Variants in UCHL3 observed in about 807,000 individuals in gnomAD.
The protein encoded by UCHL3 is ubiquitin C-terminal hydrolase L3, also known as ubiquitin carboxyl-terminal hydrolase isozyme L3.
UCHL3 carries 22 observed loss-of-function variants against 35.8 expected under a neutral mutation model. The observed-to-expected ratio is 0.61, with a 90% CI of 0.44 to 0.88. The LOEUF (loss-of-function observed/expected upper bound fraction) is 0.88. UCHL3 is among the 40% of genes least tolerant of loss of function. UCHL3 has a pLI of 0.00. For synonymous variants in UCHL3, 90 were observed against 92.8 expected, an observed-to-expected ratio of 0.97 and a Z score of 0.17; for missense variants, 229 against 276.9, an observed-to-expected ratio of 0.83 and a Z score of 1.23.
Position 75,605,019 on chromosome 13 carries a change from T to C in UCHL3, c.609+192T>C, listed in dbSNP as rs2032894640. ...AAATAAAGAGGTTTTCACAGCTCTATGAACAAATGTAAAAATTGAAAAGGC... is the reference window on the plus strand; with the variant it reads ...AAATAAAGAGGTTTTCACAGCTCTACGAACAAATGTAAAAATTGAAAAGGC... On this transcript the variant is annotated intron_variant, in intron 8 of 8. Coordinates refer to ENST00000377595, the MANE Select transcript of UCHL3 (RefSeq NM_006002.5). 4 of 422,734 alleles carry C rather than the reference T, an allele frequency of 9.5e-6. No homozygotes were observed. In the East Asian group the frequency reaches 1.5e-4, roughly 15 times the overall value. 26.2% of individuals were successfully genotyped at this position (422,734 alleles called of 1,614,324 possible).
intron 6 of UCHL3, among the ~76,000 whole-genome samples, chr13:75,575,392 T>G (rs890524176): frequency 1.3e-5 from 2 of 152,224 alleles, no homozygotes; most frequent in Non-Finnish European, 2.9e-5. Context: ...GAGGAAACAA[T>G]GAGGAAATTA....
intron 4 of UCHL3, 42 bp downstream of exon 4, chr13:75,566,893 A>G (rs770020121): frequency 1.3e-6 from 2 of 1,559,346 alleles, no homozygotes; most frequent in Non-Finnish European, 1.7e-6. Context: ...CCCTTAAGAT[A>G]CAAGTTAATT....
chr13:75,574,000 A>G (rs1053301177), intron 6 of UCHL3, among the ~76,000 whole-genome samples: 2 of 152,130 alleles, frequency 1.3e-5, no homozygotes, highest in Non-Finnish European at 2.9e-5. Flanking sequence ...GGCAGATCAC[A>G]AGGTCAGGAG....
At chr13:75,555,764 T>C (rs1444491718) in intron 2 of UCHL3, among the ~76,000 whole-genome samples, 1 of 152,064 alleles carries the variant, frequency 6.6e-6, no homozygotes, top group East Asian at 1.9e-4. Context: ...TTAAAAAAAT[T>C]TATTTCTTTT....
chr13:75,583,176 A>C (rs1055885187), intron 6 of UCHL3, among the ~76,000 whole-genome samples: 1 of 152,224 alleles, frequency 6.6e-6, no homozygotes, highest in African/African-American at 2.4e-5. Context: ...GTAAGGTAGT[A>C]GACAAAAGCT....
chr13:75,567,232 G>A lies in UCHL3; in HGVS notation c.346G>A (p.Gly116Arg). ...ATCTTCTTTCATATTCTCAGAATCT[G>A]GATCAACCTTGAAAAAATTCCTGGA... ...NNKDKMHFES[G>R]STLKKFLEES... Residue 116 changes from glycine to arginine, a missense_variant, in exon 5 of 9, where the codon GGA (glycine) becomes AGA (arginine). Gly to Arg is a moderately radical substitution (Grantham distance 125). Transcript: ENST00000377595. 2 of 1,613,768 alleles carry A rather than the reference G, an allele frequency of 1.2e-6. No homozygotes were observed. The highest frequency in any genetic ancestry group is 1.7e-6 in the Non-Finnish European group (2 of 1,179,844).
intron 6 of UCHL3, among the ~76,000 whole-genome samples, chr13:75,581,047 T>C (rs1300748007): frequency 6.6e-6 from 1 of 152,182 alleles, no homozygotes; most frequent in Non-Finnish European, 1.5e-5. Context: ...TCTTATTCAG[T>C]ACACTAGATT....
chr13:75,550,676 A>C (rs2031062435), intron 2 of UCHL3, among the ~76,000 whole-genome samples: 2 of 150,752 alleles, frequency 1.3e-5, no homozygotes, highest in East Asian at 3.9e-4. Flanking sequence ...AAGTGCTACC[A>C]GGTATAAACT....
chr13:75,567,585 C>A (rs73223968), intron 5 of UCHL3, among the ~76,000 whole-genome samples: 22,005 of 151,514 alleles, frequency 0.15, 1,995 homozygotes, highest in East Asian at 0.29. Flanking sequence ...TCTCGCTCTG[C>A]CGCCCAGGCT....
At chr13:75,592,431 T>TTTATGTATATACATATATAC (rs1566227907) in intron 6 of UCHL3, among the ~76,000 whole-genome samples, 3 of 89,734 alleles carry the variant, frequency 3.3e-5, no homozygotes, top group African/African-American at 1.3e-4. Flanking sequence ...TATATATATA[T>TTTATGTATATACATATATAC]ATATATATAT....
chr13:75,579,962 G>T (rs117431302), intron 6 of UCHL3, among the ~76,000 whole-genome samples: 1 of 152,080 alleles, frequency 6.6e-6, no homozygotes, highest in Non-Finnish European at 1.5e-5. Flanking sequence ...GTAACATTTA[G>T]ATGTACAGGT....
chr13:75,570,478 C>T (rs1022490686), intron 6 of UCHL3, among the ~76,000 whole-genome samples: 6 of 152,136 alleles, frequency 3.9e-5, no homozygotes, highest in East Asian at 1.9e-4. Context: ...CCTTGTGATC[C>T]ACCTGTCTCA....
chr13:75,604,334 T>C (rs2032868807), intron 7 of UCHL3, among the ~76,000 whole-genome samples: 1 of 152,202 alleles, frequency 6.6e-6, no homozygotes, highest in African/African-American at 2.4e-5. Context: ...TAGTACACAG[T>C]TAATAGTAGT....
chr13:75,572,780 G>C (rs2031902913), intron 6 of UCHL3, among the ~76,000 whole-genome samples: 1 of 152,120 alleles, frequency 6.6e-6, no homozygotes, highest in Admixed American at 6.5e-5. Flanking sequence ...TTTTGGAAAG[G>C]GTTCAATTCT....
At chr13:75,589,997 A>G in intron 6 of UCHL3, 4 of 1,304,816 alleles carry the variant, frequency 3.1e-6, no homozygotes, top group African/African-American at 3.0e-5. Context: ...AGGCCTCATC[A>G]TTGTGTCACC....
intron 7 of UCHL3, 72 bp from the exon 8 acceptor site, chr13:75,604,697 G>A (rs1157829236): frequency 1.5e-6 from 2 of 1,328,536 alleles, no homozygotes; most frequent in South Asian, 1.5e-5. Flanking sequence ...GGGGGAAGAG[G>A]AAAATGGAAG....
intron 6 of UCHL3, among the ~76,000 whole-genome samples, chr13:75,578,158 T>G (rs1180973513): frequency 1.3e-5 from 2 of 152,108 alleles, no homozygotes; most frequent in Non-Finnish European, 2.9e-5. Context: ...TCTTAACATA[T>G]TACCATGAAC....
intron 6 of UCHL3, among the ~76,000 whole-genome samples, chr13:75,588,589 T>G (rs2032393057): frequency 6.6e-6 from 1 of 152,152 alleles, no homozygotes; most frequent in African/African-American, 2.4e-5. Context: ...TCAAACATAT[T>G]TTTTAACCCC....
At chr13:75,588,861 A>G (rs2032400128) in intron 6 of UCHL3, among the ~76,000 whole-genome samples, 1 of 152,044 alleles carries the variant, frequency 6.6e-6, no homozygotes, top group Non-Finnish European at 1.5e-5. Context: ...ACTCCCTCAA[A>G]TTTTTTATTT....
Sources: gnomAD v4.1 joint callset for allele counts (sites outside exome capture counted in the v4.1 genomes callset) on GRCh38, gnomAD v4.1.1 for gene constraint, MANE v1.5 for transcripts, NCBI Gene and HGNC (gene_info 2026-07-23, HGNC 2026-07-21) for gene names.